ADAM22: variants seen among roughly 807,000 people sequenced by gnomAD.
ADAM22 encodes disintegrin and metalloproteinase domain-containing protein 22.
ADAM22 carries 65 observed loss-of-function variants against 144.6 expected under a neutral mutation model. That is an observed-to-expected ratio of 0.45 (90% CI 0.37 to 0.55). ADAM22 has a LOEUF of 0.55. Ranked by LOEUF, ADAM22 falls within the 20% of genes least tolerant of loss-of-function variation. ADAM22 has a pLI of 0.00. For missense variants in ADAM22, 974 were observed against 1,184.9 expected, an observed-to-expected ratio of 0.82 and a Z score of 2.61; for synonymous variants, 391 against 412.6, an observed-to-expected ratio of 0.95 and a Z score of 0.63.
chr7:87,980,067 A>G (rs1852934274), intron 3 of ADAM22, among the ~76,000 whole-genome samples: 1 of 152,132 alleles, frequency 6.6e-6, no homozygotes, highest in South Asian at 2.1e-4. Flanking sequence ...GAGTCCAAAG[A>G]CTTTCTTTTC....
intron 4 of ADAM22, among the ~76,000 whole-genome samples, chr7:88,097,620 T>TA (rs55678558): frequency 0.06 from 8,497 of 141,314 alleles, 351 homozygotes; most frequent in African/African-American, 0.12. Flanking sequence ...TGTGTTTCCT[T>TA]AAAAAAAAAA....
chr7:88,195,469 C>G (rs983146230), intron 31 of ADAM22, among the ~76,000 whole-genome samples: 28 of 152,046 alleles, frequency 1.8e-4, no homozygotes, highest in Middle Eastern at 3.2e-3. Flanking sequence ...ATGTATCCTT[C>G]CACTGTGATA....
intron 3 of ADAM22, among the ~76,000 whole-genome samples, chr7:88,050,252 A>T (rs568968517): frequency 2.3e-4 from 34 of 148,512 alleles, no homozygotes; most frequent in Middle Eastern, 6.9e-3. Context: ...AAACCTGGGC[A>T]TCATAAGGTG....
intron 6 of ADAM22, 45 bp downstream of exon 6, chr7:88,114,692 C>G: frequency 1.9e-6 from 3 of 1,576,174 alleles, no homozygotes; most frequent in Non-Finnish European, 2.6e-6. Flanking sequence ...AATGTTTATG[C>G]TGAGAGCTTT....
chr7:88,003,000 G>A (rs573142045), intron 3 of ADAM22, among the ~76,000 whole-genome samples: 3 of 152,356 alleles, frequency 2.0e-5, no homozygotes, highest in East Asian at 3.9e-4. Context: ...TGTCAGAAAA[G>A]TAGCTACACA....
chr7:88,020,309 T>C (rs923808475), intron 3 of ADAM22, among the ~76,000 whole-genome samples: 5 of 152,170 alleles, frequency 3.3e-5, no homozygotes, highest in African/African-American at 4.8e-5. Flanking sequence ...TCTCTTTCCA[T>C]TGTAATTTGG....
chr7:88,179,799 G>A (rs558086218), intron 27 of ADAM22, among the ~76,000 whole-genome samples: 2 of 152,184 alleles, frequency 1.3e-5, no homozygotes, highest in Non-Finnish European at 2.9e-5. Context: ...TAGTTGGCAT[G>A]TTTTAGGAAA....
At chr7:88,101,126 G>A (rs1161562381) in intron 4 of ADAM22, among the ~76,000 whole-genome samples, 1 of 151,798 alleles carries the variant, frequency 6.6e-6, no homozygotes, top group Admixed American at 6.6e-5. Flanking sequence ...AAAATACCCA[G>A]GTCCCACCCT....
At chr7:88,094,685 A>C (rs766629163) in intron 4 of ADAM22, among the ~76,000 whole-genome samples, 5 of 152,164 alleles carry the variant, frequency 3.3e-5, no homozygotes, top group Non-Finnish European at 5.9e-5. Context: ...GGTAATTCTG[A>C]GTGGGGTTAA....
At chr7:88,036,391 A>G (rs1801530676) in intron 3 of ADAM22, among the ~76,000 whole-genome samples, 2 of 152,178 alleles carry the variant, frequency 1.3e-5, no homozygotes, top group South Asian at 2.1e-4. Flanking sequence ...GCAGCATTCT[A>G]ATGAGGGCTG....
intron 3 of ADAM22, among the ~76,000 whole-genome samples, chr7:88,028,209 A>T (rs944811858): frequency 6.6e-6 from 1 of 152,134 alleles, no homozygotes; most frequent in African/African-American, 2.4e-5. Context: ...AGAAATTTTA[A>T]AATTTCCTTC....
intron 3 of ADAM22, among the ~76,000 whole-genome samples, chr7:88,047,036 C>A (rs1804862962): frequency 6.6e-6 from 1 of 152,176 alleles, no homozygotes; most frequent in Non-Finnish European, 1.5e-5. Context: ...CTTTCACTGG[C>A]CACTTGTGTA....
chr7:87,985,062 C>T (rs1309370135), intron 3 of ADAM22, among the ~76,000 whole-genome samples: 2 of 151,308 alleles, frequency 1.3e-5, no homozygotes, highest in Non-Finnish European at 2.9e-5. Flanking sequence ...GCGTGTAATC[C>T]CAGCACTTTG....
chr7:88,080,566 T>G (rs1043282747), intron 4 of ADAM22, among the ~76,000 whole-genome samples: 2 of 152,268 alleles, frequency 1.3e-5, no homozygotes, highest in Admixed American at 1.3e-4. Context: ...GAGCTGGTTT[T>G]TTTTAAAAGA....
intron 2 of ADAM22, among the ~76,000 whole-genome samples, chr7:87,945,740 C>G (rs1025668067): frequency 2.0e-5 from 3 of 152,036 alleles, no homozygotes; most frequent in African/African-American, 2.4e-5. Context: ...GTCTTGAACT[C>G]CTGACCTCGT....
intron 3 of ADAM22, among the ~76,000 whole-genome samples, chr7:88,072,558 G>A (rs1039744566): frequency 6.6e-6 from 1 of 152,162 alleles, no homozygotes; most frequent in Non-Finnish European, 1.5e-5. Flanking sequence ...ACAGGGATAG[G>A]GTGTTCTGCA....
chr7:87,973,698 A>T (rs1309500931), intron 2 of ADAM22, among the ~76,000 whole-genome samples: 1 of 152,200 alleles, frequency 6.6e-6, no homozygotes, highest in Non-Finnish European at 1.5e-5. Context: ...CAAATGTCCA[A>T]CAATGATAGA....
At chr7:88,077,785 T>G (rs1815055020) in intron 4 of ADAM22, among the ~76,000 whole-genome samples, 1 of 152,138 alleles carries the variant, frequency 6.6e-6, no homozygotes, top group South Asian at 2.1e-4. Context: ...AGGTGGCAGC[T>G]AGGCTGGGGG....
intron 26 of ADAM22, 39 bp from the exon 27 acceptor site, chr7:88,178,896 G>A: frequency 7.3e-7 from 1 of 1,361,160 alleles, no homozygotes; most frequent in Non-Finnish European, 1.0e-6. Flanking sequence ...TCATGTGTGT[G>A]TCTTGTTTTC....
Sources: gnomAD v4.1 joint callset for allele counts (sites outside exome capture counted in the v4.1 genomes callset) on GRCh38, gnomAD v4.1.1 for gene constraint, MANE v1.5 for transcripts, NCBI Gene and HGNC (gene_info 2026-07-23, HGNC 2026-07-21) for gene names.